RAB1A: variants seen among roughly 807,000 people sequenced by gnomAD.
RAB1A encodes RAB1A, member RAS oncogene family, also known as ras-related protein Rab-1A.
In RAB1A, 2 loss-of-function variants were observed where a neutral mutation model predicts 26.0. The observed-to-expected ratio is 0.08, with a 90% CI of 0.03 to 0.24. The LOEUF is 0.24. RAB1A is among the 10% of genes least tolerant of loss of function. The probability of loss-of-function intolerance (pLI) is 1.00; values close to 1 mark genes in which losing one functional copy is unlikely to be tolerated. For synonymous variants in RAB1A, 84 were observed against 84.9 expected, an observed-to-expected ratio of 0.99 and a Z score of 0.06; for missense variants, 100 against 247.0, an observed-to-expected ratio of 0.40 and a Z score of 3.99.
At chr2:65,119,255 C>A (rs1669896545) in intron 1 of RAB1A, among the ~76,000 whole-genome samples, 1 of 151,666 alleles carries the variant, frequency 6.6e-6, no homozygotes, top group Admixed American at 6.6e-5. Context: ...CCTGTAATCC[C>A]AGCACTTTGG....
At chr2:65,123,506 ATAAAAT>A (rs995154852) in intron 1 of RAB1A, among the ~76,000 whole-genome samples, 1 of 152,078 alleles carries the variant, frequency 6.6e-6, no homozygotes, top group African/African-American at 2.4e-5. Context: ...TACCTGAGAA[ATAAAAT>A]TACTCAGAAA....
intron 1 of RAB1A, among the ~76,000 whole-genome samples, chr2:65,108,149 T>G (rs10165691): frequency 0.82 from 124,082 of 151,502 alleles, 50,887 homozygotes; most frequent in African/African-American, 0.83. Flanking sequence ...ATCACCTGAG[T>G]TCAGGAGTTC....
chr2:65,120,055 T>C (rs990351288), intron 1 of RAB1A, among the ~76,000 whole-genome samples: 3 of 152,002 alleles, frequency 2.0e-5, no homozygotes, highest in African/African-American at 7.2e-5. Flanking sequence ...CCACATTATA[T>C]ATTTCACAAA....
At chr2:65,092,931 C>A (rs993435110) in intron 3 of RAB1A, among the ~76,000 whole-genome samples, 2 of 152,222 alleles carry the variant, frequency 1.3e-5, no homozygotes, top group African/African-American at 4.8e-5. Context: ...GCTCTTCCCC[C>A]TTCACTTCCT....
intron 1 of RAB1A, 27 bp from the exon 2 acceptor site, chr2:65,104,833 T>A (rs1390902971): frequency 3.2e-6 from 5 of 1,550,878 alleles, no homozygotes; most frequent in Non-Finnish European, 4.5e-6. Context: ...AAAATGATGT[T>A]AATAAAAAGC....
rs2103815576 is a variant in RAB1A at position 65,087,325 on chromosome 2, T to A, written c.*1168A>T. Reference sequence around the variant, plus strand: ...TCATTACCACCCAGTATTCATGTTTTAATTTTTAGGGATATAATTTCTAAA... The same window carrying A: ...TCATTACCACCCAGTATTCATGTTTAAATTTTTAGGGATATAATTTCTAAA... On this transcript the variant is annotated 3_prime_UTR_variant, in exon 6 of 6. Coordinates refer to ENST00000409784, the MANE Select transcript of RAB1A (RefSeq NM_004161.5). 1 of 152,782 alleles carries A rather than the reference T, an allele frequency of 6.5e-6. No homozygotes were observed. The highest frequency in any genetic ancestry group is 2.1e-4 in the South Asian group (1 of 4,832). The allele number at this position is 152,782 out of a possible 1,614,324, so 9.5% of individuals were successfully genotyped here.
intron 1 of RAB1A, among the ~76,000 whole-genome samples, chr2:65,110,953 GAAAAAA>G (rs988388165): frequency 6.6e-6 from 1 of 151,610 alleles, no homozygotes; most frequent in African/African-American, 2.4e-5. Context: ...AAAAATTAAG[GAAAAAA>G]GAAAAAGAAA....
At chr2:65,116,735 T>A (rs1448935611) in intron 1 of RAB1A, among the ~76,000 whole-genome samples, 1 of 152,210 alleles carries the variant, frequency 6.6e-6, no homozygotes, top group Non-Finnish European at 1.5e-5. Flanking sequence ...ACATATATAA[T>A]CTAAAGTTAA....
At chr2:65,117,763 G>T (rs1361499814) in intron 1 of RAB1A, among the ~76,000 whole-genome samples, 1 of 148,276 alleles carries the variant, frequency 6.7e-6, no homozygotes, top group Non-Finnish European at 1.5e-5. Context: ...TAGAGATGAG[G>T]TTTTACCATG....
At chr2:65,099,580 C>G (rs920601966) in intron 2 of RAB1A, among the ~76,000 whole-genome samples, 2 of 152,278 alleles carry the variant, frequency 1.3e-5, no homozygotes, top group African/African-American at 4.8e-5. Flanking sequence ...TAGCCATTAG[C>G]CCTATGCAGC....
chr2:65,110,030 T>C (rs1669658393), intron 1 of RAB1A, among the ~76,000 whole-genome samples: 1 of 152,210 alleles, frequency 6.6e-6, no homozygotes, highest in East Asian at 1.9e-4. Context: ...GTTTTACATT[T>C]TTAATCAGGC....
chr2:65,116,236 G>A (rs1669823034), intron 1 of RAB1A, among the ~76,000 whole-genome samples: 1 of 152,130 alleles, frequency 6.6e-6, no homozygotes, highest in African/African-American at 2.4e-5. Flanking sequence ...AGTACCAAAG[G>A]AAGCAGCAAG....
chr2:65,113,010 A>T (rs1669737260), intron 1 of RAB1A, among the ~76,000 whole-genome samples: 1 of 152,084 alleles, frequency 6.6e-6, no homozygotes, highest in African/African-American at 2.4e-5. Flanking sequence ...AGAGTTCCAG[A>T]CCAGCCTGGG....
At chr2:65,092,248 G>A (rs1258080779) in intron 3 of RAB1A, among the ~76,000 whole-genome samples, 3 of 151,420 alleles carry the variant, frequency 2.0e-5, no homozygotes, top group Non-Finnish European at 4.4e-5. Context: ...CTGGGCAAGA[G>A]AGCCAGATCC....
At chr2:65,126,270 C>T (rs1319601389) in intron 1 of RAB1A, among the ~76,000 whole-genome samples, 1 of 151,316 alleles carries the variant, frequency 6.6e-6, no homozygotes, top group Non-Finnish European at 1.5e-5. Flanking sequence ...GCCAAGATCG[C>T]GCCACTGCAC....
intron 4 of RAB1A, among the ~76,000 whole-genome samples, chr2:65,089,854 C>T (rs900382246): frequency 1.3e-5 from 2 of 152,120 alleles, no homozygotes; most frequent in African/African-American, 4.8e-5. Context: ...AGGCACGGGC[C>T]CCCACGCCTG....
At chr2:65,104,692 A>C in intron 2 of RAB1A, 42 bp downstream of exon 2, 1 of 1,355,786 alleles carries the variant, frequency 7.4e-7, no homozygotes, top group Middle Eastern at 2.4e-4. Flanking sequence ...ACATAGCATT[A>C]ATTGTACCAT....
chr2:65,115,005 C>G (rs1462652229), intron 1 of RAB1A, among the ~76,000 whole-genome samples: 2 of 152,176 alleles, frequency 1.3e-5, no homozygotes, highest in African/African-American at 4.8e-5. Flanking sequence ...AAAGTGAGTT[C>G]AAGCCCCTTC....
At chr2:65,114,847 G>A (rs1483002854) in intron 1 of RAB1A, among the ~76,000 whole-genome samples, 15 of 102,666 alleles carry the variant, frequency 1.5e-4, no homozygotes, top group Non-Finnish European at 2.2e-4. Flanking sequence ...GCGAGACTCC[G>A]TCTCAAAAAA....
Sources: gnomAD v4.1 joint callset for allele counts (sites outside exome capture counted in the v4.1 genomes callset) on GRCh38, gnomAD v4.1.1 for gene constraint, MANE v1.5 for transcripts, NCBI Gene and HGNC (gene_info 2026-07-23, HGNC 2026-07-21) for gene names.